The following SCAI variants were observed in gnomAD, a reference collection of about 807,000 sequenced individuals.
The protein encoded by SCAI is suppressor of cancer cell invasion.
In SCAI, 24 loss-of-function variants were observed where a neutral mutation model predicts 92.2. The observed-to-expected ratio is 0.26, with a 90% CI of 0.19 to 0.37. The LOEUF is 0.37. SCAI is among the 10% of genes least tolerant of loss of function. The pLI is 1.00. For missense variants in SCAI, 450 were observed against 736.2 expected (o/e 0.61, Z 4.50); for synonymous variants, 261 against 258.6 (o/e 1.01, Z -0.09).
intron 15 of SCAI, among the ~76,000 whole-genome samples, chr9:124,973,667 A>G (rs536665439): frequency 5.3e-5 from 8 of 152,138 alleles, no homozygotes; most frequent in Non-Finnish European, 1.2e-4. Flanking sequence ...TCTCATAAAA[A>G]TACAAAAAAA....
intron 2 of SCAI, among the ~76,000 whole-genome samples, chr9:125,093,194 C>T (rs1834473996): frequency 6.6e-6 from 1 of 152,046 alleles, no homozygotes; most frequent in South Asian, 2.1e-4. Context: ...AACACTGTCT[C>T]TACTAAAAAT....
rs1185399679 is a variant in SCAI at position 125,011,984 on chromosome 9, G to C, written c.861+6815C>G. ...TACTTCACAGACAAGCAAATGCTGA[G>C]AGATTTTGTCATCACCAGGCCTGCC... On this transcript the variant is annotated intron_variant, in intron 9 of 17. Transcript: ENST00000336505. 5.3e-5 allele frequency among the ~76,000 whole-genome samples: 8 copies of C among 152,298 alleles called. No homozygotes were observed. In the East Asian group the frequency reaches 1.5e-3, roughly 29 times the overall value.
intron 2 of SCAI, among the ~76,000 whole-genome samples, chr9:125,117,779 C>T (rs1835078028): frequency 6.6e-6 from 1 of 151,178 alleles, no homozygotes; most frequent in Non-Finnish European, 1.5e-5. Flanking sequence ...TAAACCCTCA[C>T]AGGAAATTAT....
chr9:125,057,600 G>A (rs1304041820), intron 2 of SCAI, among the ~76,000 whole-genome samples: 1 of 152,148 alleles, frequency 6.6e-6, no homozygotes, highest in African/African-American at 2.4e-5. Flanking sequence ...CTGCATGGTT[G>A]TCGGAATATA....
chr9:125,046,963 T>C (rs540975785), intron 3 of SCAI, among the ~76,000 whole-genome samples: 1 of 152,104 alleles, frequency 6.6e-6, no homozygotes, highest in Non-Finnish European at 1.5e-5. Flanking sequence ...TCTGGGGAAA[T>C]GGTGACAGCA....
intron 3 of SCAI, among the ~76,000 whole-genome samples, chr9:125,050,186 A>G (rs979109000): frequency 1.3e-5 from 2 of 152,160 alleles, no homozygotes; most frequent in African/African-American, 4.8e-5. Flanking sequence ...CCATTTCCCC[A>G]AATGCCAATG....
At chr9:125,063,958 T>G (rs2131150341) in intron 2 of SCAI, among the ~76,000 whole-genome samples, 1 of 152,236 alleles carries the variant, frequency 6.6e-6, no homozygotes, top group African/African-American at 2.4e-5. Flanking sequence ...TTCACCATAT[T>G]GGCCAGGCTG....
intron 3 of SCAI, among the ~76,000 whole-genome samples, chr9:125,049,906 A>G (rs946988742): frequency 7.2e-5 from 11 of 152,220 alleles, no homozygotes; most frequent in Admixed American, 4.6e-4. Context: ...TGTGTGTGCT[A>G]CTTCTTCATC....
chr9:125,034,401 A>C (rs945788174), intron 3 of SCAI, among the ~76,000 whole-genome samples: 7 of 152,084 alleles, frequency 4.6e-5, no homozygotes, highest in Non-Finnish European at 8.8e-5. Flanking sequence ...AAACATGAGA[A>C]AGGAACTACA....
chr9:125,015,027 T>C (rs1313727437), intron 9 of SCAI, among the ~76,000 whole-genome samples: 1 of 152,010 alleles, frequency 6.6e-6, no homozygotes, highest in Non-Finnish European at 1.5e-5. Context: ...ATACAAAAAT[T>C]AATTCAAGAT....
At chr9:125,084,111 C>G (rs1443083021) in intron 2 of SCAI, among the ~76,000 whole-genome samples, 1 of 149,652 alleles carries the variant, frequency 6.7e-6, no homozygotes, top group African/African-American at 2.5e-5. Context: ...TTTTTTTAAC[C>G]CAGCCCCTCA....
Position 125,054,399 on chromosome 9 carries a change from G to GT in SCAI, c.230+1476dup, listed in dbSNP as rs1336145446. 4.6e-5 allele frequency among the ~76,000 whole-genome samples: 7 copies of GT among 152,162 alleles called. 1 individual carries two copies. The South Asian group carries it at 8.3e-4, about 18-fold the overall frequency. ...TGAGCAGAAGTTTGCCTTGGGTTTT[G>GT]TTTTTTTATAATTTCCTCATAGAGT... is the stretch of plus-strand genomic sequence containing the variant. On this transcript the variant is annotated intron_variant, in intron 3 of 17. Coordinates refer to ENST00000336505, the MANE Select transcript of SCAI (RefSeq NM_001144877.3).
chr9:125,008,053 G>A (rs1011877977), intron 9 of SCAI, among the ~76,000 whole-genome samples: 6 of 151,430 alleles, frequency 4.0e-5, no homozygotes, highest in Non-Finnish European at 7.4e-5. Flanking sequence ...CACCGTGTTA[G>A]CCAGGATGGT....
rs1302535443 is a variant in SCAI at position 125,004,759 on chromosome 9, ATATATATATATATATATATATTTTTTT to A, written c.862-1216_862-1190del. Among the ~76,000 whole-genome samples, 9 of 9,840 alleles carry A rather than the reference ATATATATATATATATATATATTTTTTT, an allele frequency of 9.1e-4. No individual in the cohort carries two copies. The East Asian group carries it at 0.019, about 21-fold the overall frequency. The allele number at this position is 9,840 out of a possible 152,430, so 6.5% of individuals were successfully genotyped here. A position where few individuals can be genotyped will look rare whatever the true frequency, so the allele number is the denominator to read the frequency against. ...CATATATATATATATATATATATAT[ATATATATATATATATATATATTTTTTT>A]TTTTTTTTTTTTTTTTTTTGAGATG... On this transcript the variant is annotated intron_variant, in intron 9 of 17. Coordinates refer to ENST00000336505, the MANE Select transcript of SCAI (RefSeq NM_001144877.3).
intron 2 of SCAI, among the ~76,000 whole-genome samples, chr9:125,056,326 C>T (rs374142404): frequency 5.9e-5 from 9 of 151,982 alleles, no homozygotes; most frequent in African/African-American, 2.2e-4. Flanking sequence ...ATTAGCCGGG[C>T]GTGGTGGTGG....
rs191668429 is a variant in SCAI, at chr9:124,950,367, T to G, written c.*2440A>C. ...GACAGTTGTCAAAGGGCATAACGCTTAAGTTACCAGGAAAGCCAGGACTAG... is the reference window on the plus strand; with the variant it reads ...GACAGTTGTCAAAGGGCATAACGCTGAAGTTACCAGGAAAGCCAGGACTAG... On this transcript the variant is annotated 3_prime_UTR_variant, in exon 18 of 18. Coordinates refer to ENST00000336505, the MANE Select transcript of SCAI (RefSeq NM_001144877.3). The G allele has an allele frequency of 6.6e-6, 1 of 152,258 alleles. No individual in the cohort carries two copies. The highest frequency in any genetic ancestry group is 6.5e-5 in the Admixed American group (1 of 15,288). The allele number at this position is 152,258 out of a possible 1,614,324, so 9.4% of individuals were successfully genotyped here. A position where few individuals can be genotyped will look rare whatever the true frequency, so the allele number is the denominator to read the frequency against.
At chr9:125,113,455 C>T (rs1343985185) in intron 2 of SCAI, among the ~76,000 whole-genome samples, 1 of 151,692 alleles carries the variant, frequency 6.6e-6, no homozygotes, top group Non-Finnish European at 1.5e-5. Flanking sequence ...TGAGGAAATG[C>T]GATGACTAAC....
chr9:125,126,602 G>A (rs1416510700), intron 2 of SCAI, among the ~76,000 whole-genome samples: 2 of 151,822 alleles, frequency 1.3e-5, no homozygotes, highest in African/African-American at 4.8e-5. Context: ...GAGAGAGAGA[G>A]AGAACACACA....
At chr9:125,081,979 C>T (rs1349167468) in intron 2 of SCAI, among the ~76,000 whole-genome samples, 2 of 152,226 alleles carry the variant, frequency 1.3e-5, no homozygotes, top group Non-Finnish European at 2.9e-5. Flanking sequence ...TTCAAGCCGG[C>T]TGCAGAAATT....
Sources: allele counts gnomAD v4.1 joint callset (sites outside exome capture counted in the v4.1 genomes callset), GRCh38; gene constraint gnomAD v4.1.1; transcripts MANE v1.5; gene names NCBI Gene and HGNC (gene_info 2026-07-23, HGNC 2026-07-21).